GPS1: variants seen among roughly 807,000 people sequenced by gnomAD.
The protein encoded by GPS1 is G protein pathway suppressor 1, also known as COP9 signalosome complex subunit 1.
A neutral mutation model predicts 60.0 loss-of-function variants in GPS1; 11 were observed. That is an observed-to-expected ratio of 0.18 (90% CI 0.12 to 0.30). The LOEUF (loss-of-function observed/expected upper bound fraction) is 0.30, where lower values mean the gene tolerates loss of function less well. Among genes scored for constraint, GPS1 ranks in the 10% least tolerant of loss-of-function variants. The pLI is 1.00. For synonymous variants in GPS1, 343 were observed against 269.8 expected (o/e 1.27, Z -2.66); for missense variants, 543 against 669.2 (o/e 0.81, Z 2.08).
rs1350886961 is a variant in GPS1, at chr17:82,053,944, C to T, written c.203C>T (p.Pro68Leu). ...CTGCAGTTCATTGCTGATCACTGCC[C>T]CACGCTGCGGGTGGAGGCCCTGAAG... ...ERLQFIADHC[P>L]TLRVEALKMA... Residue 68 changes from proline to leucine, a missense_variant, in exon 3 of 13, where the codon CCC (proline) becomes CTC (leucine). Pro to Leu is a moderately conservative substitution (Grantham distance 98). Around this residue, in one of 3 missense-constraint regions of GPS1, gnomAD observed 181 missense variants for 188.8 expected, o/e 0.96. Coordinates refer to ENST00000578552, the MANE Select transcript of GPS1 (RefSeq NM_001321092.3). 3 of 1,612,854 alleles carry T rather than the reference C, an allele frequency of 1.9e-6. No individual in the cohort carries two copies. Among genetic ancestry groups the T allele is most frequent in the Non-Finnish European group, 2.5e-6 (3 of 1,179,960 alleles).
intron 1 of GPS1, chr17:82,052,576 C>A: frequency 7.9e-7 from 1 of 1,269,580 alleles, no homozygotes; most frequent in Non-Finnish European, 1.1e-6. Flanking sequence ...CAGTGCCAAG[C>A]GCAGGAGGGG....
chr17:82,057,089 C>G lies in GPS1; in HGVS notation c.1426C>G (p.Pro476Ala). Residue 476 changes from proline (P) to alanine (A), a missense_variant, in exon 13 of 13, where the codon CCA becomes GCA. By Grantham distance (27) the Pro-to-Ala change is conservative (BLOSUM62 -1). This residue lies in a region of GPS1 where 291 missense variants were observed against 353.7 expected (regional missense o/e 0.82). Transcript: ENST00000578552. ...AGAAGGGAGCCAGGGGGAGCTGACTCCAGCCAACAGCCAGTCCCGGATGAG... is the reference window on the plus strand; with the variant it reads ...AGAAGGGAGCCAGGGGGAGCTGACTGCAGCCAACAGCCAGTCCCGGATGAG... ...PREGSQGELT[P>A]ANSQSRMSTN... The G allele has an allele frequency of 6.3e-7, 1 of 1,579,568 alleles. No individual in the cohort carries two copies. The highest frequency in any genetic ancestry group is 8.6e-7 in the Non-Finnish European group (1 of 1,160,608).
rs529767985 is a variant in GPS1, at chr17:82,055,572, G to T, written c.749-168G>T. On this transcript the variant is annotated intron_variant, in intron 6 of 12. Transcript: ENST00000578552. ...AGCATTGGTGGGGCTCTTTCCACCC[G>T]TGACTAGAGTATCTGTCCCCAGCGC... 46 of 614,896 alleles carry T rather than the reference G, an allele frequency of 7.5e-5. No individual in the cohort carries two copies. In the East Asian group the frequency reaches 1.2e-3, roughly 16 times the overall value. The allele number at this position is 614,896 out of a possible 1,614,324, so 38.1% of individuals were successfully genotyped here. A position where few individuals can be genotyped will look rare whatever the true frequency, so the allele number is the denominator to read the frequency against.
intron 3 of GPS1, chr17:82,054,257 G>C: frequency 2.7e-6 from 2 of 734,772 alleles, no homozygotes; most frequent in Non-Finnish European, 4.3e-6. Flanking sequence ...TGATTCCAAG[G>C]GGAGCTGTTG....
At chr17:82,053,497 C>T (rs897882872) in intron 2 of GPS1, 131 bp downstream of exon 2, 12 of 653,982 alleles carry the variant, frequency 1.8e-5, no homozygotes, top group African/African-American at 3.8e-5. Flanking sequence ...TTTCTGACCC[C>T]GAAACCATCA....
At position 82,053,864 on chromosome 17, in the gene GPS1, C is replaced by A. The variant is rs776201558; in HGVS notation, c.127-4C>A. ...GCCTGACTCTTGTCTGTGCCTGCTC[C>A]CAGGATCTGGAACAGTACGCGGCCA... On this transcript the variant is annotated splice_region_variant and splice_polypyrimidine_tract_variant and intron_variant, in intron 2 of 12. Coordinates refer to ENST00000578552, the MANE Select transcript of GPS1 (RefSeq NM_001321092.3). 4.4e-6 allele frequency: 7 copies of A among 1,603,842 alleles called. No homozygotes were observed. Among genetic ancestry groups the A allele is most frequent in the Admixed American group, 1.7e-5 (1 of 59,756 alleles).
chr17:82,054,144 C>T, intron 3 of GPS1, 95 bp downstream of exon 3: 1 of 1,378,590 alleles, frequency 7.3e-7, no homozygotes, highest in South Asian at 1.4e-5. Context: ...CATCTCCCAC[C>T]CCTGTGCTGG....
In GPS1 at chr17:82,052,341, C is replaced by T. The variant is rs750215459; in HGVS notation, c.33+377C>T. On this transcript the variant is annotated intron_variant, in intron 1 of 12. Transcript: ENST00000578552. ...AGCTCGGCCCCCAGCTCGGCCTCCT[C>T]GTCAGTGACAGATCTGTACTGCACC... 1.3e-5 allele frequency: 21 copies of T among 1,612,784 alleles called. No individual in the cohort carries two copies. In the Admixed American group the frequency reaches 2.5e-4, roughly 19 times the overall value.
chr17:82,055,380 A>G lies in GPS1; in HGVS notation c.748+158A>G, dbSNP rs1045054529. ...ATGTACAGGTGTAGGTGGTGCCTAA[A>G]GTCTGCCCCGGGGAAGCCAGTGGGT... On this transcript the variant is annotated intron_variant, in intron 6 of 12. Coordinates refer to ENST00000578552, the MANE Select transcript of GPS1 (RefSeq NM_001321092.3). 1.3e-5 allele frequency: 10 copies of G among 770,254 alleles called. No individual in the cohort carries two copies. In the African/African-American group the frequency reaches 1.4e-4, roughly 11 times the overall value. 47.7% of individuals were successfully genotyped at this position (770,254 alleles called of 1,614,324 possible).
chr17:82,056,168 G>T, intron 8 of GPS1, 73 bp downstream of exon 8: 1 of 1,420,436 alleles, frequency 7.0e-7, no homozygotes, highest in Non-Finnish European at 9.9e-7. Context: ...GGCCTTGCAT[G>T]TCCTGGCCCC....
intron 2 of GPS1, 147 bp from the exon 3 acceptor site, chr17:82,053,721 A>G (rs1334276852): frequency 2.7e-6 from 2 of 752,288 alleles, no homozygotes; most frequent in South Asian, 1.9e-5. Flanking sequence ...GACAGCAGTC[A>G]GTCTCGTACC....
Position 82,056,785 on chromosome 17 carries a change from G to A in GPS1, c.1254+19G>A. 4 of 1,603,386 alleles carry A rather than the reference G, an allele frequency of 2.5e-6. No homozygotes were observed. The highest frequency in any genetic ancestry group is 3.4e-6 in the Non-Finnish European group (4 of 1,174,522). On this transcript the variant is annotated intron_variant, in intron 11 of 12. Coordinates refer to ENST00000578552, the MANE Select transcript of GPS1 (RefSeq NM_001321092.3). ...CAGCAAGGTGGCTGTGGGCTGCGGGGCGGTGGGGGCAGCTGGGGGTGAGCC... is the reference window on the plus strand; with the variant it reads ...CAGCAAGGTGGCTGTGGGCTGCGGGACGGTGGGGGCAGCTGGGGGTGAGCC...
intron 6 of GPS1, 128 bp downstream of exon 6, chr17:82,055,350 G>C: frequency 1.0e-6 from 1 of 979,832 alleles, no homozygotes; most frequent in East Asian, 2.6e-5. Context: ...GGATGTTGTG[G>C]GCACATGTAC....
intron 1 of GPS1, chr17:82,052,507 C>T (rs775452065): frequency 2.5e-5 from 40 of 1,575,908 alleles, no homozygotes; most frequent in Non-Finnish European, 3.4e-5. Flanking sequence ...GGGAGCAGGG[C>T]CCCGGCCGCC....
At chr17:82,057,005 G>C in intron 12 of GPS1, 31 bp downstream of exon 12, 1 of 1,611,988 alleles carries the variant, frequency 6.2e-7, no homozygotes, top group Non-Finnish European at 8.5e-7. Flanking sequence ...GCAGGCGCAC[G>C]GCGTGTGGGG....
intron 6 of GPS1, 33 bp downstream of exon 6, chr17:82,055,255 C>T (rs898555273): frequency 1.2e-5 from 18 of 1,547,952 alleles, no homozygotes; most frequent in African/African-American, 2.7e-5. Flanking sequence ...GCTGACCCCA[C>T]GTTCCCCTGT....
At chr17:82,052,148 C>T in intron 1 of GPS1, 184 bp downstream of exon 1, 3 of 1,051,324 alleles carry the variant, frequency 2.9e-6, no homozygotes, top group Non-Finnish European at 3.8e-6. Context: ...GCCGTGGCTG[C>T]GCGCTGCGAT....
upstream of GPS1, chr17:82,051,591 T>C (rs749521395): frequency 1.8e-4 from 233 of 1,304,632 alleles, 1 homozygote; most frequent in Non-Finnish European, 1.7e-5. This position sits in a 1 kb window ranked among gnomAD's most constrained non-coding sequence, Gnocchi z 4.1. Context: ...GATGAAGACG[T>C]CGTCAGGCCG....
At position 82,055,240 on chromosome 17, in the gene GPS1, G is replaced by A. The variant is rs1045192727; in HGVS notation, c.748+18G>A. The A allele has an allele frequency of 1.2e-5, 19 of 1,550,696 alleles. No homozygotes were observed. In the African/African-American group the frequency reaches 1.4e-4, roughly 11 times the overall value. On this transcript the variant is annotated intron_variant, in intron 6 of 12. Coordinates refer to ENST00000578552, the MANE Select transcript of GPS1 (RefSeq NM_001321092.3). ...TGCCGCAGGTGAGGGCCTGGGTCACGCCCAGCTGACCCCACGTTCCCCTGT... is the reference window on the plus strand; with the variant it reads ...TGCCGCAGGTGAGGGCCTGGGTCACACCCAGCTGACCCCACGTTCCCCTGT...
Sources: allele counts gnomAD v4.1 joint callset, GRCh38; gene constraint gnomAD v4.1.1; regional missense constraint gnomAD v4.1.1; non-coding constraint Gnocchi (gnomAD v3.1); transcripts MANE v1.5; gene names NCBI Gene and HGNC (gene_info 2026-07-23, HGNC 2026-07-21).